IP6K1: variants seen among roughly 807,000 people sequenced by gnomAD.
IP6K1 encodes the protein inositol hexakisphosphate kinase 1, also known as ATP:1D-myo-inositol-hexakisphosphate phosphotransferase.
A neutral mutation model predicts 38.3 loss-of-function variants in IP6K1; 13 were observed. That is an observed-to-expected ratio of 0.34 (90% CI 0.22 to 0.54). The LOEUF (loss-of-function observed/expected upper bound fraction) is 0.54, where lower values mean the gene tolerates loss of function less well. Among genes scored for constraint, IP6K1 ranks in the 20% least tolerant of loss-of-function variants. The pLI, the probability that IP6K1 is intolerant of heterozygous loss-of-function variation, is 0.92. For synonymous variants in IP6K1, 212 were observed against 229.9 expected, an observed-to-expected ratio of 0.92 and a Z score of 0.70; for missense variants, 397 against 599.8, an observed-to-expected ratio of 0.66 and a Z score of 3.53.
At chr3:49,751,746 A>T (rs1286754257) in intron 1 of IP6K1, among the ~76,000 whole-genome samples, 1 of 152,230 alleles carries the variant, frequency 6.6e-6, no homozygotes, top group East Asian at 1.9e-4. Context: ...GTAATACTTT[A>T]GTTACATATT....
intron 3 of IP6K1, among the ~76,000 whole-genome samples, chr3:49,736,519 T>C (rs2080613480): frequency 6.6e-6 from 1 of 152,148 alleles, no homozygotes; most frequent in Non-Finnish European, 1.5e-5. Flanking sequence ...AATGTTTTCA[T>C]GATTCATCCA....
chr3:49,733,043 G>T (rs533387040), intron 3 of IP6K1, 71 bp from the exon 4 acceptor site: 3 of 1,187,730 alleles, frequency 2.5e-6, no homozygotes, highest in African/African-American at 3.0e-5. Context: ...GCTGCACAGG[G>T]CACAGATCTG....
At position 49,725,979 on chromosome 3, in the gene IP6K1, A is replaced by G. The variant is rs1438251093; in HGVS notation, c.*1143T>C. 1 of 152,306 alleles carries G rather than the reference A, an allele frequency of 6.6e-6. No individual in the cohort carries two copies. The highest frequency in any genetic ancestry group is 1.5e-5 in the Non-Finnish European group (1 of 68,184). The allele number at this position is 152,306 out of a possible 1,614,324, so 9.4% of individuals were successfully genotyped here. On this transcript the variant is annotated 3_prime_UTR_variant, in exon 6 of 6. Transcript: ENST00000321599. ...TGAAGGAATGAGTATATACTAATGA[A>G]CAAGGCTACACCCCAGGGGAAGGAT... is the stretch of plus-strand genomic sequence containing the variant.
chr3:49,776,855 G>C (rs772582049), intron 1 of IP6K1, among the ~76,000 whole-genome samples: 2 of 152,218 alleles, frequency 1.3e-5, no homozygotes, highest in Non-Finnish European at 2.9e-5. Context: ...TACAGTGATA[G>C]AAAGATTGGC....
intron 1 of IP6K1, among the ~76,000 whole-genome samples, chr3:49,763,104 CTT>C (rs1217162043): frequency 2.5e-4 from 35 of 137,530 alleles, no homozygotes; most frequent in Admixed American, 3.7e-4. Flanking sequence ...TCAATTATTT[CTT>C]TTTTTTTTTT....
chr3:49,739,012 C>G (rs1424402040), intron 2 of IP6K1, among the ~76,000 whole-genome samples: 1 of 152,106 alleles, frequency 6.6e-6, no homozygotes, highest in Non-Finnish European at 1.5e-5. Context: ...TTTTTTGTGC[C>G]CATTTTAATC....
At chr3:49,781,852 G>A (rs2081068337) in intron 1 of IP6K1, among the ~76,000 whole-genome samples, 1 of 152,046 alleles carries the variant, frequency 6.6e-6, no homozygotes, top group Non-Finnish European at 1.5e-5. Flanking sequence ...GGAGGCCGAG[G>A]TGGGAGGATC....
Position 49,728,288 on chromosome 3 carries a change from G to C in IP6K1, c.617-10C>G. The C allele has an allele frequency of 1.2e-6, 2 of 1,609,416 alleles. No individual in the cohort carries two copies. Among genetic ancestry groups the C allele is most frequent in the South Asian group, 1.1e-5 (1 of 91,018 alleles). On this transcript the variant is annotated splice_polypyrimidine_tract_variant and intron_variant, in intron 4 of 5. Coordinates refer to ENST00000321599, the MANE Select transcript of IP6K1 (RefSeq NM_153273.4). Reference sequence around the variant, plus strand: ...TCAAGCAGGAGGAACTCTGGGCCACGGTCAAGGAGAATGACAACCACACTC... The same window carrying C: ...TCAAGCAGGAGGAACTCTGGGCCACCGTCAAGGAGAATGACAACCACACTC...
intron 2 of IP6K1, among the ~76,000 whole-genome samples, chr3:49,742,037 C>T (rs1467622202): frequency 6.6e-6 from 1 of 152,070 alleles, no homozygotes; most frequent in African/African-American, 2.4e-5. Context: ...CATGACTGTA[C>T]CACTGCACTC....
At chr3:49,729,528 C>A (rs1315464996) in intron 4 of IP6K1, among the ~76,000 whole-genome samples, 1 of 151,684 alleles carries the variant, frequency 6.6e-6, no homozygotes, top group Non-Finnish European at 1.5e-5. Context: ...CTGCCTCAGC[C>A]TCCCGGTAGC....
intron 1 of IP6K1, among the ~76,000 whole-genome samples, chr3:49,756,949 C>T (rs1055839544): frequency 1.3e-5 from 2 of 152,038 alleles, no homozygotes; most frequent in Non-Finnish European, 2.9e-5. Context: ...ATAGTACATG[C>T]GAGCCATCCC....
chr3:49,765,478 TAAA>T (rs34207764), intron 1 of IP6K1, among the ~76,000 whole-genome samples: 1 of 108,464 alleles, frequency 9.2e-6, no homozygotes, highest in Non-Finnish European at 1.8e-5. Flanking sequence ...TGTTTCTACT[TAAA>T]AAAAAAAAAA....
chr3:49,729,026 TC>T (rs2080539959), intron 4 of IP6K1, among the ~76,000 whole-genome samples: 1 of 151,564 alleles, frequency 6.6e-6, no homozygotes, highest in South Asian at 2.1e-4. Context: ...CCATCTCGGC[TC>T]ACTGCAACCT....
chr3:49,779,976 C>T (rs1050236238), intron 1 of IP6K1, among the ~76,000 whole-genome samples: 7 of 152,056 alleles, frequency 4.6e-5, no homozygotes, highest in East Asian at 3.9e-4. Context: ...GCATGAGCTA[C>T]GGCACCTGGC....
At chr3:49,734,266 A>AT (rs1465193669) in intron 3 of IP6K1, among the ~76,000 whole-genome samples, 1 of 152,174 alleles carries the variant, frequency 6.6e-6, no homozygotes, top group Non-Finnish European at 1.5e-5. Flanking sequence ...TCTTTGCTTG[A>AT]AGTAACCAAC....
chr3:49,731,122 C>T (rs928630243), intron 4 of IP6K1, among the ~76,000 whole-genome samples: 1 of 151,338 alleles, frequency 6.6e-6, no homozygotes, highest in Non-Finnish European at 1.5e-5. Flanking sequence ...ATAAATTTAT[C>T]CCTTAATAGT....
chr3:49,751,350 C>T (rs1175443106), intron 1 of IP6K1, among the ~76,000 whole-genome samples: 1 of 152,026 alleles, frequency 6.6e-6, no homozygotes, highest in Non-Finnish European at 1.5e-5. Flanking sequence ...TTAGTGGAGA[C>T]GGGGTTTCAC....
At chr3:49,755,859 GC>G (rs2080818315) in intron 1 of IP6K1, among the ~76,000 whole-genome samples, 1 of 152,138 alleles carries the variant, frequency 6.6e-6, no homozygotes, top group Non-Finnish European at 1.5e-5. Flanking sequence ...TTAAATTCAA[GC>G]CCATTCTTCC....
chr3:49,728,357 A>G (rs1370272811), intron 4 of IP6K1, 79 bp from the exon 5 acceptor site: 11 of 1,433,816 alleles, frequency 7.7e-6, no homozygotes, highest in African/African-American at 1.4e-5. Flanking sequence ...TTTTTCTATA[A>G]AAGGGGGCTT....
Sources: gnomAD v4.1 joint callset for allele counts (sites outside exome capture counted in the v4.1 genomes callset) on GRCh38, gnomAD v4.1.1 for gene constraint, MANE v1.5 for transcripts, NCBI Gene and HGNC (gene_info 2026-07-23, HGNC 2026-07-21) for gene names.